TRPM3: variants seen among roughly 807,000 people sequenced by gnomAD.
TRPM3 encodes long transient receptor potential channel 3.
A neutral mutation model predicts 181.2 loss-of-function variants in TRPM3; 77 were observed. The ratio of observed to expected loss-of-function variants is 0.42; its 90% CI spans 0.35 to 0.51. The LOEUF (loss-of-function observed/expected upper bound fraction) is 0.51. TRPM3 is among the 20% of genes least tolerant of loss of function. TRPM3 has a pLI of 0.01. For missense variants in TRPM3, 1,759 were observed against 2,196.7 expected, an observed-to-expected ratio of 0.80 and a Z score of 3.98; for synonymous variants, 745 against 796.4, an observed-to-expected ratio of 0.94 and a Z score of 1.09.
At chr9:71,422,761 G>C (rs67239798) in intron 1 of TRPM3, among the ~76,000 whole-genome samples, 5,044 of 152,090 alleles carry the variant, frequency 0.033, 124 homozygotes, top group Non-Finnish European at 0.051. Context: ...AAATTAGTCA[G>C]CTGATAAAAC....
At chr9:71,010,757 C>T (rs906422737) in intron 1 of TRPM3, among the ~76,000 whole-genome samples, 1 of 152,036 alleles carries the variant, frequency 6.6e-6, no homozygotes, top group African/African-American at 2.4e-5. Flanking sequence ...CCATATGATC[C>T]AGCAATCCCA....
intron 1 of TRPM3, among the ~76,000 whole-genome samples, chr9:71,142,564 T>C (rs1036345907): frequency 4.6e-5 from 7 of 152,098 alleles, no homozygotes; most frequent in African/African-American, 1.7e-4. Flanking sequence ...ATACTTTTCA[T>C]TTTAAAGTGA....
intron 1 of TRPM3, among the ~76,000 whole-genome samples, chr9:71,149,715 TG>T (rs2075624406): frequency 6.6e-6 from 1 of 152,174 alleles, no homozygotes; most frequent in South Asian, 2.1e-4. Context: ...GTCTCATACC[TG>T]TAATCCCAGA....
At chr9:71,156,875 G>GCAGT (rs2076030875) in intron 1 of TRPM3, among the ~76,000 whole-genome samples, 1 of 151,952 alleles carries the variant, frequency 6.6e-6, no homozygotes, top group Non-Finnish European at 1.5e-5. Flanking sequence ...GCTTGATGTG[G>GCAGT]CAGTGGGCAT....
At chr9:71,049,280 C>T (rs578228148) in intron 1 of TRPM3, among the ~76,000 whole-genome samples, 11 of 152,230 alleles carry the variant, frequency 7.2e-5, no homozygotes, top group Non-Finnish European at 1.0e-4. Flanking sequence ...TCCACACACA[C>T]GGCTCCACAT....
At chr9:70,845,833 C>T (rs1384342606) in intron 4 of TRPM3, among the ~76,000 whole-genome samples, 7 of 152,102 alleles carry the variant, frequency 4.6e-5, no homozygotes, top group Non-Finnish European at 1.0e-4. Context: ...GTCTATATCA[C>T]AATATAGATG....
At chr9:71,427,715 A>G (rs2093888859) in intron 1 of TRPM3, among the ~76,000 whole-genome samples, 2 of 152,180 alleles carry the variant, frequency 1.3e-5, no homozygotes, top group African/African-American at 2.4e-5. Flanking sequence ...TTGGGTACAA[A>G]TGGACATAAA....
At chr9:70,546,501 CTG>C (rs2131746174) in intron 25 of TRPM3, among the ~76,000 whole-genome samples, 1 of 152,306 alleles carries the variant, frequency 6.6e-6, no homozygotes, top group Non-Finnish European at 1.5e-5. Flanking sequence ...TTCCTGAGGA[CTG>C]AGGCCTGCCT....
At chr9:71,031,217 T>A (rs758257843) in intron 1 of TRPM3, among the ~76,000 whole-genome samples, 3 of 152,214 alleles carry the variant, frequency 2.0e-5, no homozygotes, top group African/African-American at 7.2e-5. Flanking sequence ...CTCACACATA[T>A]ACATTGAATG....
At chr9:70,902,234 A>T (rs1235445083) in intron 1 of TRPM3, among the ~76,000 whole-genome samples, 1 of 152,248 alleles carries the variant, frequency 6.6e-6, no homozygotes, top group Non-Finnish European at 1.5e-5. Context: ...TCTAAGCTTC[A>T]AATAGTATAA....
intron 1 of TRPM3, among the ~76,000 whole-genome samples, chr9:71,319,130 T>C (rs1040483772): frequency 1.3e-5 from 2 of 152,158 alleles, no homozygotes; most frequent in Non-Finnish European, 2.9e-5. Flanking sequence ...GTGGGCAAAT[T>C]GATGAGCTGA....
intron 1 of TRPM3, among the ~76,000 whole-genome samples, chr9:70,943,016 G>T (rs2096900460): frequency 6.6e-6 from 1 of 151,932 alleles, no homozygotes; most frequent in African/African-American, 2.4e-5. Flanking sequence ...AAGGAGTTTT[G>T]TCTTTGGCAT....
intron 1 of TRPM3, among the ~76,000 whole-genome samples, chr9:71,436,977 C>T (rs2094051268): frequency 1.3e-5 from 2 of 152,156 alleles, no homozygotes; most frequent in South Asian, 4.1e-4. Context: ...AGTTATATTT[C>T]TTAATAATAC....
intron 3 of TRPM3, among the ~76,000 whole-genome samples, chr9:70,854,370 C>G (rs1328773796): frequency 6.6e-6 from 1 of 152,138 alleles, no homozygotes; most frequent in Non-Finnish European, 1.5e-5. Context: ...TGTTGTTAAA[C>G]AGGGGTGATC....
intron 1 of TRPM3, among the ~76,000 whole-genome samples, chr9:71,167,214 G>A (rs1565296273): frequency 6.6e-6 from 1 of 152,182 alleles, no homozygotes; most frequent in Non-Finnish European, 1.5e-5. Context: ...ACAACATTCA[G>A]ATCATTCTGA....
chr9:70,924,273 T>C (rs1288383902), intron 1 of TRPM3, among the ~76,000 whole-genome samples: 1 of 152,136 alleles, frequency 6.6e-6, no homozygotes, highest in South Asian at 2.1e-4. Flanking sequence ...TTTCCTTCCT[T>C]GATTCCTCTT....
intron 1 of TRPM3, among the ~76,000 whole-genome samples, chr9:71,285,812 T>C (rs2085234984): frequency 6.6e-6 from 1 of 152,296 alleles, no homozygotes; most frequent in Admixed American, 6.5e-5. Flanking sequence ...CAAGCTTCAC[T>C]GAGGACTATC....
At chr9:71,298,470 T>A (rs1343183525) in intron 1 of TRPM3, among the ~76,000 whole-genome samples, 1 of 147,616 alleles carries the variant, frequency 6.8e-6, no homozygotes, top group East Asian at 2.0e-4. Context: ...AATAATCTGG[T>A]CTTTTTTTTT....
chr9:70,845,007 G>A (rs2094893876), intron 4 of TRPM3, among the ~76,000 whole-genome samples: 1 of 152,142 alleles, frequency 6.6e-6, no homozygotes, highest in African/African-American at 2.4e-5. Context: ...ACAGGATAAG[G>A]AGTAAAGAGC....
Sources: gnomAD v4.1 joint callset for allele counts (sites outside exome capture counted in the v4.1 genomes callset) on GRCh38, gnomAD v4.1.1 for gene constraint, MANE v1.5 for transcripts, NCBI Gene and HGNC (gene_info 2026-07-23, HGNC 2026-07-21) for gene names.